CENPP: variants seen among roughly 807,000 people sequenced by gnomAD.
The protein encoded by CENPP is centromere protein P.
CENPP carries 24 observed loss-of-function variants against 35.6 expected under a neutral mutation model. The ratio of observed to expected loss-of-function variants is 0.67; its 90% confidence interval spans 0.49 to 0.95. The LOEUF (loss-of-function observed/expected upper bound fraction) is 0.95. Among genes scored for constraint, CENPP ranks in the 40% least tolerant of loss-of-function variants. The pLI, the probability that CENPP is intolerant of heterozygous loss-of-function variation, is 0.00. For synonymous variants in CENPP, 120 were observed against 125.5 expected (o/e 0.96, Z 0.29); for missense variants, 332 against 345.3 (o/e 0.96, Z 0.31).
chr9:92,337,743 C>G lies in CENPP; in HGVS notation c.378+114C>G, dbSNP rs528309022. On this transcript the variant is annotated intron_variant, in intron 3 of 7. Coordinates refer to ENST00000375587, the MANE Select transcript of CENPP (RefSeq NM_001012267.3). ...TGAAGAGGAGTTCATGAGCCAGGGC[C>G]CCCCCATTCATAGCACATTTGTGCA... 7 of 743,596 alleles carry G rather than the reference C, an allele frequency of 9.4e-6. No individual in the cohort carries two copies. In the South Asian group the frequency reaches 1.1e-4, roughly 11 times the overall value. 46.1% of individuals were successfully genotyped at this position (743,596 alleles called of 1,614,324 possible).
intron 1 of CENPP, 143 bp from the exon 2 acceptor site, chr9:92,332,027 A>G (rs1336622978): frequency 8.8e-6 from 4 of 455,976 alleles, no homozygotes; most frequent in Non-Finnish European, 1.5e-5. Context: ...TAATTTTTTA[A>G]TTTTTTTTAT....
At chr9:92,512,225 T>TC in intron 5 of CENPP, 1 of 678,672 alleles carries the variant, frequency 1.5e-6, no homozygotes, top group Non-Finnish European at 2.5e-6. Context: ...GAGAGCTTTG[T>TC]CTGGAGGAGA....
rs144694111 is a variant in CENPP at position 92,489,136 on chromosome 9, C to T, written c.564+109277C>T. 3.4e-4 allele frequency among the ~76,000 whole-genome samples: 52 copies of T among 152,318 alleles called. No homozygotes were observed. In the East Asian group the frequency reaches 9.1e-3, roughly 27 times the overall value. The stretch of plus-strand genomic sequence containing the variant: ...TGAAATCCAGCCGGGCTTACAGTCT[C>T]GAATGCTCCTGTTCACCTTGTAGAC... On this transcript the variant is annotated intron_variant, in intron 5 of 7. Coordinates refer to ENST00000375587, the MANE Select transcript of CENPP (RefSeq NM_001012267.3).
At chr9:92,403,140 C>T (rs1461160196) in intron 5 of CENPP, 1 of 757,544 alleles carries the variant, frequency 1.3e-6, no homozygotes, top group Non-Finnish European at 2.1e-6. Flanking sequence ...ATTTTCCCTT[C>T]CCCTTACCTT....
chr9:92,597,145 C>T (rs1057395960), intron 5 of CENPP, among the ~76,000 whole-genome samples: 12 of 152,106 alleles, frequency 7.9e-5, no homozygotes, highest in African/African-American at 2.9e-4. Context: ...AGGTTTTAAT[C>T]AATTTACTAG....
intron 5 of CENPP, among the ~76,000 whole-genome samples, chr9:92,484,111 C>T (rs1588170713): frequency 1.3e-5 from 2 of 152,180 alleles, no homozygotes; most frequent in African/African-American, 4.8e-5. Context: ...AAACAGGAAG[C>T]CCTTGGGTCA....
At chr9:92,423,880 A>G (rs971739369) in intron 5 of CENPP, among the ~76,000 whole-genome samples, 1 of 152,146 alleles carries the variant, frequency 6.6e-6, no homozygotes, top group African/African-American at 2.4e-5. Context: ...TAATTCATAG[A>G]AAAAAAGAGA....
chr9:92,470,541 T>G, intron 5 of CENPP: 1 of 523,310 alleles, frequency 1.9e-6, no homozygotes, highest in Non-Finnish European at 3.3e-6. Context: ...CGCTGTTGAA[T>G]GCAGGGATTT....
chr9:92,600,169 C>A (rs543054505), intron 5 of CENPP: 1 of 749,702 alleles, frequency 1.3e-6, no homozygotes, highest in Non-Finnish European at 1.9e-6. Flanking sequence ...TCACATGTCA[C>A]GAAATCTTTG....
At chr9:92,568,873 TA>T (rs1850062999) in intron 5 of CENPP, among the ~76,000 whole-genome samples, 1 of 152,246 alleles carries the variant, frequency 6.6e-6, no homozygotes, top group South Asian at 2.1e-4. Context: ...GTTGGCTGCA[TA>T]AATGTCTTCT....
At chr9:92,562,122 A>T (rs1266608719) in intron 5 of CENPP, among the ~76,000 whole-genome samples, 1 of 152,184 alleles carries the variant, frequency 6.6e-6, no homozygotes, top group Non-Finnish European at 1.5e-5. Flanking sequence ...CTGGAGTTCA[A>T]ATCTCAGCTA....
At chr9:92,523,748 C>G (rs950959268) in intron 5 of CENPP, among the ~76,000 whole-genome samples, 1 of 152,172 alleles carries the variant, frequency 6.6e-6, no homozygotes, top group African/African-American at 2.4e-5. Context: ...GGAGCCTGTA[C>G]GTCTGTCCAC....
At position 92,474,568 on chromosome 9, in the gene CENPP, T is replaced by C. The variant is rs1346215247; in HGVS notation, c.564+94709T>C. The C allele has an allele frequency of 6.3e-5, 98 of 1,547,840 alleles. 3 individuals are homozygous for C. In the South Asian group the frequency reaches 1.2e-3, roughly 19 times the overall value. The stretch of plus-strand genomic sequence containing the variant: ...TTTCAATGAGACTTTTTCCATCCTT[T>C]AAATTGTCAGAATAGCATTACTATT... On this transcript the variant is annotated intron_variant, in intron 5 of 7. Transcript: ENST00000375587.
intron 4 of CENPP, among the ~76,000 whole-genome samples, chr9:92,358,897 A>AT (rs202097343): frequency 8.6e-4 from 91 of 105,532 alleles, no homozygotes; most frequent in African/African-American, 2.9e-3. Context: ...CTATTCATTT[A>AT]TTTTTTTTCA....
At chr9:92,517,827 G>A in intron 5 of CENPP, 3 of 1,614,148 alleles carry the variant, frequency 1.9e-6, no homozygotes, top group Non-Finnish European at 2.5e-6. Flanking sequence ...CGACCACACA[G>A]CTTTGTTGTA....
chr9:92,579,487 T>C (rs1850366357), intron 5 of CENPP, among the ~76,000 whole-genome samples: 2 of 151,856 alleles, frequency 1.3e-5, no homozygotes, highest in Admixed American at 1.3e-4. Context: ...TGAGCAGTGG[T>C]TTGTAGTTCT....
chr9:92,392,774 A>G (rs932905850), intron 5 of CENPP, among the ~76,000 whole-genome samples: 4 of 152,186 alleles, frequency 2.6e-5, no homozygotes, highest in African/African-American at 9.7e-5. Context: ...CATCCCAGTT[A>G]TATTGGTGTT....
intron 5 of CENPP, among the ~76,000 whole-genome samples, chr9:92,475,648 T>G (rs1845688441): frequency 6.6e-6 from 1 of 152,262 alleles, no homozygotes; most frequent in South Asian, 2.1e-4. Flanking sequence ...CATTGTCTCC[T>G]TAGACAACAT....
At chr9:92,553,394 T>C (rs190922930) in intron 5 of CENPP, among the ~76,000 whole-genome samples, 5 of 152,312 alleles carry the variant, frequency 3.3e-5, no homozygotes, top group Non-Finnish European at 4.4e-5. Context: ...TGCGGGCTCT[T>C]TTTTGGTTAC....
Sources: allele counts gnomAD v4.1 joint callset (sites outside exome capture counted in the v4.1 genomes callset), GRCh38; gene constraint gnomAD v4.1.1; transcripts MANE v1.5; gene names NCBI Gene and HGNC (gene_info 2026-07-23, HGNC 2026-07-21).